The following DDX10 variants were observed in gnomAD, a reference collection of about 807,000 sequenced individuals.
The protein encoded by DDX10 is probable ATP-dependent RNA helicase DDX10.
Under a neutral mutation model 104.3 loss-of-function variants are expected in DDX10, and 74 were observed. The observed-to-expected ratio is 0.71, with a 90% confidence interval of 0.59 to 0.86. The LOEUF (loss-of-function observed/expected upper bound fraction) is 0.86, where lower values mean the gene tolerates loss of function less well. DDX10 is among the 40% of genes least tolerant of loss of function. The pLI, the probability that DDX10 is intolerant of heterozygous loss-of-function variation, is 0.00. For missense variants in DDX10, 952 were observed against 1,040.0 expected (o/e 0.92, Z 1.16); for synonymous variants, 351 against 353.4 (o/e 0.99, Z 0.08).
chr11:108,911,553 CTTCT>C (rs1565316460), intron 16 of DDX10, among the ~76,000 whole-genome samples: 12 of 117,242 alleles, frequency 1.0e-4, no homozygotes, highest in African/African-American at 2.0e-4. Context: ...TTTGCCTCCT[CTTCT>C]TTTTTTTTTT....
chr11:108,848,433 TTA>T lies in DDX10; in HGVS notation c.2248-3716_2248-3715del, dbSNP rs1469535694. ...AATGGATGTTGTGAATGAAGCTTATTTATATGAGAGGATAAAAGATCCTTTTC... is the reference window on the plus strand; with the variant it reads ...AATGGATGTTGTGAATGAAGCTTATTTATGAGAGGATAAAAGATCCTTTTC... On this transcript the variant is annotated intron_variant, in intron 15 of 17. Coordinates refer to ENST00000322536, the MANE Select transcript of DDX10 (RefSeq NM_004398.4). Among the ~76,000 whole-genome samples the T allele has an allele frequency of 2.6e-5, 4 of 152,260 alleles. No individual in the cohort carries two copies. The East Asian group carries it at 7.7e-4, about 29-fold the overall frequency.
At chr11:108,877,309 T>C (rs1360124293) in intron 16 of DDX10, among the ~76,000 whole-genome samples, 1 of 152,228 alleles carries the variant, frequency 6.6e-6, no homozygotes, top group Non-Finnish European at 1.5e-5. Flanking sequence ...TTATTTTCCA[T>C]GATCTAGACA....
intron 15 of DDX10, among the ~76,000 whole-genome samples, chr11:108,845,809 G>A (rs1459465195): frequency 6.6e-6 from 1 of 152,058 alleles, no homozygotes; most frequent in African/African-American, 2.4e-5. Flanking sequence ...TTAAAGGATA[G>A]GATATTTAAT....
At chr11:108,806,193 C>A (rs1394328023) in intron 13 of DDX10, among the ~76,000 whole-genome samples, 1 of 152,164 alleles carries the variant, frequency 6.6e-6, no homozygotes, top group Non-Finnish European at 1.5e-5. Flanking sequence ...GAACTCCTGG[C>A]CTCAGGTGAT....
chr11:108,917,684 G>A (rs1191511149), intron 16 of DDX10, among the ~76,000 whole-genome samples, 189 bp from the exon 17 acceptor site: 3 of 152,084 alleles, frequency 2.0e-5, no homozygotes, highest in Admixed American at 1.3e-4. Context: ...TTTTATTTTT[G>A]AAATGATAAG....
At chr11:108,828,663 C>T (rs187474941) in intron 13 of DDX10, among the ~76,000 whole-genome samples, 7 of 152,298 alleles carry the variant, frequency 4.6e-5, no homozygotes, top group Middle Eastern at 3.4e-3. Flanking sequence ...ATAGCTCCGT[C>T]GCCCAGGCTG....
chr11:108,911,380 TAC>T (rs983070657), intron 16 of DDX10, among the ~76,000 whole-genome samples: 7 of 152,048 alleles, frequency 4.6e-5, no homozygotes, highest in African/African-American at 1.7e-4. Context: ...TGCCAGCAGA[TAC>T]AGGGTCTGGT....
chr11:108,935,346 A>G (rs1864023376), intron 17 of DDX10, among the ~76,000 whole-genome samples: 1 of 152,178 alleles, frequency 6.6e-6, no homozygotes, highest in Admixed American at 6.5e-5. Flanking sequence ...AAGGGGGGCT[A>G]ATGCAGAACA....
intron 13 of DDX10, among the ~76,000 whole-genome samples, chr11:108,761,220 G>A (rs910530168): frequency 6.6e-5 from 10 of 152,040 alleles, no homozygotes; most frequent in Non-Finnish European, 1.5e-4. Flanking sequence ...GGGCATGAGC[G>A]GATCTTTTTC....
At chr11:108,831,421 CAAAA>C in intron 13 of DDX10, among the ~76,000 whole-genome samples, 1 of 69,810 alleles carries the variant, frequency 1.4e-5, no homozygotes, top group South Asian at 6.0e-4. Flanking sequence ...GAGACTGTCT[CAAAA>C]AAAAAAAAAA....
chr11:108,796,506 T>G (rs547003501), intron 13 of DDX10, among the ~76,000 whole-genome samples: 1 of 152,328 alleles, frequency 6.6e-6, no homozygotes, highest in Admixed American at 6.5e-5. Context: ...ACAAATAGAA[T>G]TCGATAGCTA....
chr11:108,926,500 GT>G (rs1443398946), intron 17 of DDX10, among the ~76,000 whole-genome samples: 2 of 152,178 alleles, frequency 1.3e-5, no homozygotes, highest in African/African-American at 4.8e-5. Flanking sequence ...AAGAGGACCA[GT>G]TTTTTCCTCT....
intron 14 of DDX10, 69 bp downstream of exon 14, chr11:108,838,634 C>G (rs1030971037): frequency 4.0e-6 from 6 of 1,486,878 alleles, no homozygotes; most frequent in Non-Finnish European, 5.4e-6. Flanking sequence ...CTCTCTCTTA[C>G]TTAGCACTCA....
intron 16 of DDX10, among the ~76,000 whole-genome samples, chr11:108,875,269 A>AT (rs1282401407): frequency 1.3e-5 from 2 of 152,158 alleles, no homozygotes; most frequent in East Asian, 3.8e-4. Flanking sequence ...TAATACATGT[A>AT]TTTTTTAAAT....
chr11:108,790,014 G>T (rs1426613089), intron 13 of DDX10, among the ~76,000 whole-genome samples: 5 of 152,128 alleles, frequency 3.3e-5, no homozygotes, highest in Non-Finnish European at 7.4e-5. Context: ...TGGTTTTATT[G>T]TGCAAGTAGC....
Position 108,762,657 on chromosome 11 carries a change from T to C in DDX10, c.1965+39195T>C, listed in dbSNP as rs74362200. Among the ~76,000 whole-genome samples the C allele has an allele frequency of 1.1e-3, 172 of 151,914 alleles. 2 individuals are homozygous for C. In the East Asian group the frequency reaches 0.026, roughly 23 times the overall value. Reference sequence around the variant, plus strand: ...AATTGTGTAGGCAAGGTGGATCACATTGGGGCTAAGTAAATGATCCTGATT... The same window carrying C: ...AATTGTGTAGGCAAGGTGGATCACACTGGGGCTAAGTAAATGATCCTGATT... On this transcript the variant is annotated intron_variant, in intron 13 of 17. Transcript: ENST00000322536.
intron 13 of DDX10, among the ~76,000 whole-genome samples, chr11:108,798,666 GTTTGTTTTTATTT>G (rs1294967029): frequency 1.3e-5 from 2 of 152,058 alleles, no homozygotes; most frequent in Middle Eastern, 3.2e-3. Flanking sequence ...GAGCGGTTTT[GTTTGTTTTTATTT>G]TTTGTTTTTA....
At chr11:108,706,297 T>C (rs967139118) in intron 9 of DDX10, among the ~76,000 whole-genome samples, 1 of 152,152 alleles carries the variant, frequency 6.6e-6, no homozygotes, top group Non-Finnish European at 1.5e-5. Flanking sequence ...TTATAACTAA[T>C]GCTTCAGAAC....
At chr11:108,705,559 G>A (rs962795295) in intron 9 of DDX10, among the ~76,000 whole-genome samples, 1 of 151,870 alleles carries the variant, frequency 6.6e-6, no homozygotes, top group African/African-American at 2.4e-5. Context: ...GTTTTTTCTA[G>A]TTAACAGGAA....
Sources: allele counts gnomAD v4.1 joint callset (sites outside exome capture counted in the v4.1 genomes callset), GRCh38; gene constraint gnomAD v4.1.1; transcripts MANE v1.5; gene names NCBI Gene and HGNC (gene_info 2026-07-23, HGNC 2026-07-21).